Variants in SGIP1 observed in about 807,000 individuals in gnomAD.
The protein encoded by SGIP1 is SH3-containing GRB2-like protein 3-interacting protein 1.
SGIP1 carries 38 observed loss-of-function variants against 107.5 expected under a neutral mutation model. The ratio of observed to expected loss-of-function variants is 0.35; its 90% CI spans 0.27 to 0.46. The LOEUF (loss-of-function observed/expected upper bound fraction) is 0.46, where lower values mean the gene tolerates loss of function less well. SGIP1 is among the 20% of genes least tolerant of loss of function. SGIP1 has a pLI of 1.00. For synonymous variants in SGIP1, 365 were observed against 366.1 expected (o/e 1.00, Z 0.03); for missense variants, 929 against 1,019.5 (o/e 0.91, Z 1.21).
At chr1:66,611,814 T>C (rs553181664) in intron 1 of SGIP1, among the ~76,000 whole-genome samples, 42 of 152,236 alleles carry the variant, frequency 2.8e-4, no homozygotes, top group African/African-American at 9.9e-4. Flanking sequence ...CCAGTTTACT[T>C]GGAGAGGGAA....
At chr1:66,709,524 T>C (rs1334715627) in intron 18 of SGIP1, among the ~76,000 whole-genome samples, 1 of 152,146 alleles carries the variant, frequency 6.6e-6, no homozygotes, top group Non-Finnish European at 1.5e-5. Flanking sequence ...GACACATGGT[T>C]GTAGTCATAA....
chr1:66,646,317 G>A (rs1429477028), intron 7 of SGIP1, among the ~76,000 whole-genome samples: 1 of 152,002 alleles, frequency 6.6e-6, no homozygotes, highest in African/African-American at 2.4e-5. Flanking sequence ...GCACTAAAAA[G>A]GAAATAGGGT....
chr1:66,733,948 G>A, intron 21 of SGIP1, 68 bp downstream of exon 21: 1 of 1,464,542 alleles, frequency 6.8e-7, no homozygotes, highest in Non-Finnish European at 9.2e-7. Context: ...ACCTACTATT[G>A]AATAAAAGTA....
At chr1:66,619,211 A>G (rs2070287459) in intron 1 of SGIP1, among the ~76,000 whole-genome samples, 1 of 152,176 alleles carries the variant, frequency 6.6e-6, no homozygotes, top group African/African-American at 2.4e-5. Flanking sequence ...GATGAGAGGC[A>G]GGAGGAGCAA....
At chr1:66,737,234 C>T (rs546890068) in intron 21 of SGIP1, among the ~76,000 whole-genome samples, 36 of 152,090 alleles carry the variant, frequency 2.4e-4, no homozygotes, top group Non-Finnish European at 3.8e-4. Context: ...TCTTTCCCTT[C>T]GTGGACTCTA....
At chr1:66,570,176 TG>T (rs1177539766) in intron 1 of SGIP1, among the ~76,000 whole-genome samples, 2 of 151,990 alleles carry the variant, frequency 1.3e-5, no homozygotes, top group South Asian at 4.1e-4. Context: ...AAACATTTTT[TG>T]GTTTTGTTCT....
In SGIP1 at chr1:66,750,531, A is replaced by C. The variant is rs2094609830; in HGVS notation, c.*7436A>C. ...CAAAAATACACTAAATTTCTTTTTA[A>C]TCTTGTACTAAGTACATAATTTCAC... On this transcript the variant is annotated 3_prime_UTR_variant, in exon 25 of 25. Transcript: ENST00000371037. Among the ~76,000 whole-genome samples, 1 of 152,206 alleles carries C rather than the reference A, an allele frequency of 6.6e-6. No homozygotes were observed. The highest frequency in any genetic ancestry group is 1.5e-5 in the Non-Finnish European group (1 of 68,020).
At chr1:66,587,217 A>G (rs563940199) in intron 1 of SGIP1, among the ~76,000 whole-genome samples, 4 of 151,986 alleles carry the variant, frequency 2.6e-5, no homozygotes, top group African/African-American at 9.6e-5. Flanking sequence ...TGAATCTGTG[A>G]GTTTGTGTAT....
chr1:66,563,658 C>T (rs991718259), intron 1 of SGIP1, among the ~76,000 whole-genome samples: 1 of 151,996 alleles, frequency 6.6e-6, no homozygotes, highest in Non-Finnish European at 1.5e-5. Flanking sequence ...GTTTTGTTTA[C>T]TTCCTCCCAG....
intron 1 of SGIP1, among the ~76,000 whole-genome samples, chr1:66,622,848 TA>T (rs1170623591): frequency 6.6e-6 from 1 of 152,146 alleles, no homozygotes; most frequent in Non-Finnish European, 1.5e-5. Flanking sequence ...CCATTTTTGG[TA>T]AAAAATAGTT....
intron 1 of SGIP1, among the ~76,000 whole-genome samples, chr1:66,576,344 T>C (rs2061065807): frequency 6.6e-6 from 1 of 152,096 alleles, no homozygotes. Context: ...AGTTGAACAG[T>C]GTAATGTGGG....
At chr1:66,632,317 A>G (rs748740758) in intron 2 of SGIP1, among the ~76,000 whole-genome samples, 1 of 152,212 alleles carries the variant, frequency 6.6e-6, no homozygotes, top group Non-Finnish European at 1.5e-5. Flanking sequence ...TAGTCATCAG[A>G]AGGAGGCATT....
At chr1:66,729,501 C>G (rs1032635) in intron 20 of SGIP1, 82 bp downstream of exon 20, 608,213 of 1,521,742 alleles carry the variant, frequency 0.4, 129,536 homozygotes, top group African/African-American at 0.55. Flanking sequence ...ATCTTAGCAA[C>G]AGGGTCGCAC....
chr1:66,741,269 TAGGGG>T lies in SGIP1; in HGVS notation c.2300-2_2302del. 1 of 1,569,316 alleles carries T rather than the reference TAGGGG, an allele frequency of 6.4e-7. No homozygotes were observed. Among genetic ancestry groups the T allele is most frequent in the African/African-American group, 1.4e-5 (1 of 72,526 alleles). On this transcript the variant is annotated splice_acceptor_variant and coding_sequence_variant, in exon 24 of 25. Transcript: ENST00000371037. LOFTEE classifies it high-confidence loss of function. ...TACCTTGTAATAATGTGTTTTTTTT[TAGGGG>T]TGGGTTCTTTGTTGGCAAGATTTCA...
intron 1 of SGIP1, among the ~76,000 whole-genome samples, chr1:66,592,993 C>T (rs1570253372): frequency 7.0e-6 from 1 of 142,130 alleles, no homozygotes; most frequent in Non-Finnish European, 1.5e-5. Context: ...ATCCTCCCAC[C>T]TTTGCCTCCC....
In SGIP1 at chr1:66,630,885, A is replaced by AAG. The variant is rs2074283657; in HGVS notation, c.75-2183_75-2182dup. Among the ~76,000 whole-genome samples, 2 of 62,276 alleles carry AAG rather than the reference A, an allele frequency of 3.2e-5. 1 individual carries two copies. The allele number at this position is 62,276 out of a possible 152,430, so 40.9% of individuals were successfully genotyped here. On this transcript the variant is annotated intron_variant, in intron 2 of 24. Coordinates refer to ENST00000371037, the MANE Select transcript of SGIP1 (RefSeq NM_032291.4). ...AAAGAAAGAAAGAAAGAAAGAAAGAAAGAAAGAAAGAAAGAAAGAAGGGAG... is the reference window on the plus strand; with the variant it reads ...AAAGAAAGAAAGAAAGAAAGAAAGAAAGAGAAAGAAAGAAAGAAAGAAGGGAG...
rs180757445 is a variant in SGIP1, at chr1:66,638,678, T to C, written c.172-1099T>C. ...TAGAATGCCCAGTCAATATTCACTG[T>C]TATTCAATGATAACGATTATTCTGG... On this transcript the variant is annotated intron_variant, in intron 4 of 24. Coordinates refer to ENST00000371037, the MANE Select transcript of SGIP1 (RefSeq NM_032291.4). 1.4e-3 allele frequency among the ~76,000 whole-genome samples: 208 copies of C among 152,316 alleles called. 1 individual carries two copies. The highest frequency in any genetic ancestry group is 4.9e-3 in the African/African-American group (205 of 41,578).
At chr1:66,656,793 T>C (rs2079879389) in intron 7 of SGIP1, among the ~76,000 whole-genome samples, 1 of 152,186 alleles carries the variant, frequency 6.6e-6, no homozygotes, top group African/African-American at 2.4e-5. Context: ...GAATAATCCT[T>C]TTGCTCCTTG....
At chr1:66,611,884 C>T (rs544236078) in intron 1 of SGIP1, among the ~76,000 whole-genome samples, 1 of 152,038 alleles carries the variant, frequency 6.6e-6, no homozygotes, top group Admixed American at 6.6e-5. Flanking sequence ...TTTATACATG[C>T]CTCATGTGAA....
Sources: gnomAD v4.1 joint callset for allele counts (sites outside exome capture counted in the v4.1 genomes callset) on GRCh38, gnomAD v4.1.1 for gene constraint, MANE v1.5 for transcripts, NCBI Gene and HGNC (gene_info 2026-07-23, HGNC 2026-07-21) for gene names.